The following TIGIT variants were observed in gnomAD, a reference collection of about 807,000 sequenced individuals.
TIGIT encodes the protein T-cell immunoreceptor with Ig and ITIM domains.
A neutral mutation model predicts 19.6 loss-of-function variants in TIGIT; 11 were observed. That is an observed-to-expected ratio of 0.56 (90% CI 0.35 to 0.93). The LOEUF (loss-of-function observed/expected upper bound fraction) is 0.93. TIGIT is among the 40% of genes least tolerant of loss of function. TIGIT has a pLI of 0.01. For missense variants in TIGIT, 295 were observed against 303.9 expected (o/e 0.97, Z 0.22); for synonymous variants, 130 against 125.5 (o/e 1.04, Z -0.24).
intron 2 of TIGIT, 113 bp downstream of exon 2, chr3:114,295,987 TGAG>T (rs748960837): frequency 2.1e-4 from 177 of 858,042 alleles, no homozygotes; most frequent in Middle Eastern, 3.0e-4. Flanking sequence ...TTGAATCACC[TGAG>T]GAGATTTTAA....
rs2078561760 is a variant in TIGIT at position 114,310,063 on chromosome 3, T to G, written c.*1932T>G. ...TTTCATAGTTGGATTCCTGGAGACA[T>G]GCGCTATCCACCACGTAGCCACTTT... On this transcript the variant is annotated 3_prime_UTR_variant, in exon 4 of 4. Coordinates refer to ENST00000383671, the MANE Select transcript of TIGIT (RefSeq NM_173799.4). The G allele has an allele frequency of 6.6e-6, 1 of 152,196 alleles. No homozygotes were observed. The highest frequency in any genetic ancestry group is 2.1e-4 in the South Asian group (1 of 4,826). The allele number at this position is 152,196 out of a possible 1,614,324, so 9.4% of individuals were successfully genotyped here. A position where few individuals can be genotyped will look rare whatever the true frequency, so the allele number is the denominator to read the frequency against.
intron 3 of TIGIT, among the ~76,000 whole-genome samples, chr3:114,303,872 C>A (rs1199150952): frequency 6.6e-6 from 1 of 152,070 alleles, no homozygotes; most frequent in African/African-American, 2.4e-5. Flanking sequence ...AGTTTACATT[C>A]CCACAAGCAG....
chr3:114,295,747 T>C lies in TIGIT; in HGVS notation c.264T>C (p.Gly88=), dbSNP rs2107947201. 1 of 1,614,162 alleles carries C rather than the reference T, an allele frequency of 6.2e-7. No homozygotes were observed. The highest frequency in any genetic ancestry group is 8.5e-7 in the Non-Finnish European group (1 of 1,180,016). The change falls in exon 2 of 4, where the codon GGT becomes GGC. Residue 88 remains glycine (G), a synonymous_variant. Coordinates refer to ENST00000383671, the MANE Select transcript of TIGIT (RefSeq NM_173799.4). ...SPSFKDRVAP[G]PGLGLTLQSL... is the part of the protein sequence containing the mutation. Reference sequence around the variant, plus strand: ...CCTTCAAGGATCGAGTGGCCCCAGGTCCCGGCCTGGGCCTCACCCTCCAGT... The same window carrying C: ...CCTTCAAGGATCGAGTGGCCCCAGGCCCCGGCCTGGGCCTCACCCTCCAGT...
At chr3:114,297,090 T>G (rs996670466) in intron 2 of TIGIT, among the ~76,000 whole-genome samples, 2 of 151,964 alleles carry the variant, frequency 1.3e-5, no homozygotes, top group African/African-American at 4.8e-5. Context: ...GAGACAGGGT[T>G]TCTTCACGTT....
rs201739271 is a variant in TIGIT at position 114,294,097 on chromosome 3, G to A, written c.36G>A (p.Gly12=). The A allele has an allele frequency of 1.9e-6, 3 of 1,554,978 alleles. No individual in the cohort carries two copies. Among genetic ancestry groups the A allele is most frequent in the Non-Finnish European group, 2.6e-6 (3 of 1,148,286 alleles). The change falls in exon 1 of 4, where the codon GGG becomes GGA. Residue 12 remains glycine (G), a synonymous_variant. Coordinates refer to ENST00000383671, the MANE Select transcript of TIGIT (RefSeq NM_173799.4). ...GTCTCCTCCTGATCTGGGCCCAGGG[G>A]CTGAGGCAGGCTCCCCTCGCCTCAG... ...RWCLLLIWAQ[G]LRQAPLASGM...
At chr3:114,302,342 A>C (rs2078497933) in intron 3 of TIGIT, among the ~76,000 whole-genome samples, 1 of 152,242 alleles carries the variant, frequency 6.6e-6, no homozygotes, top group South Asian at 2.1e-4. Context: ...GCTGGTATCC[A>C]TTCAAGTAGT....
chr3:114,308,195 A>G lies in TIGIT; in HGVS notation c.*64A>G. On this transcript the variant is annotated 3_prime_UTR_variant, in exon 4 of 4. Coordinates refer to ENST00000383671, the MANE Select transcript of TIGIT (RefSeq NM_173799.4). ...TGCTATTATAGATGAATATATAAGC[A>G]GCTGTACTCTCCATCAGTGCTGCGT... 7.6e-7 allele frequency: 1 copy of G among 1,322,580 alleles called. No homozygotes were observed. The highest frequency in any genetic ancestry group is 1.3e-5 in the South Asian group (1 of 78,722). 81.9% of individuals were successfully genotyped at this position (1,322,580 alleles called of 1,614,324 possible).
At chr3:114,304,662 C>G (rs1192248557) in intron 3 of TIGIT, among the ~76,000 whole-genome samples, 1 of 152,198 alleles carries the variant, frequency 6.6e-6, no homozygotes, top group Non-Finnish European at 1.5e-5. Flanking sequence ...TTAGCAGACC[C>G]AGCACTTCCT....
intron 2 of TIGIT, among the ~76,000 whole-genome samples, chr3:114,297,984 C>T (rs541565128): frequency 1.6e-4 from 24 of 152,346 alleles, no homozygotes; most frequent in African/African-American, 5.3e-4. Flanking sequence ...TTAGCACAAA[C>T]CCTGGCTTCT....
At chr3:114,300,549 G>T (rs898683682) in intron 3 of TIGIT, among the ~76,000 whole-genome samples, 1 of 152,104 alleles carries the variant, frequency 6.6e-6, no homozygotes, top group African/African-American at 2.4e-5. Flanking sequence ...ATCTTTCAAG[G>T]TCTTCATTTC....
At chr3:114,307,769 G>A (rs2078545206) in intron 3 of TIGIT, 126 bp from the exon 4 acceptor site, 1 of 834,962 alleles carries the variant, frequency 1.2e-6, no homozygotes, top group Admixed American at 2.2e-5. Flanking sequence ...TAAGGAATTG[G>A]TGTTGGTAAG....
chr3:114,302,888 G>C (rs1191701374), intron 3 of TIGIT, among the ~76,000 whole-genome samples: 1 of 152,122 alleles, frequency 6.6e-6, no homozygotes, highest in Non-Finnish European at 1.5e-5. Context: ...TCAGTACAGG[G>C]ATTGGCAAAA....
rs2078447590 is a variant in TIGIT, at chr3:114,295,561, A to G, written c.78A>G (p.Thr26=). 6.2e-7 allele frequency: 1 copy of G among 1,613,670 alleles called. No individual in the cohort carries two copies. The highest frequency in any genetic ancestry group is 1.3e-5 in the African/African-American group (1 of 74,942). Residue 26 remains threonine, a synonymous_variant, in exon 2 of 4, where the codon ACA becomes ACG. Transcript: ENST00000383671. The part of the protein sequence containing the change: ...APLASGMMTG[T]IETTGNISAE... ...CTTCCCTAGGAATGATGACAGGCACAATAGAAACAACGGGGAACATTTCTG... is the reference window on the plus strand; with the variant it reads ...CTTCCCTAGGAATGATGACAGGCACGATAGAAACAACGGGGAACATTTCTG...
intron 3 of TIGIT, among the ~76,000 whole-genome samples, chr3:114,304,082 T>C (rs188678170): frequency 1.6e-4 from 25 of 152,298 alleles, no homozygotes; most frequent in African/African-American, 5.8e-4. Flanking sequence ...TTTATGTCCT[T>C]AGCCCACTTT....
intron 3 of TIGIT, among the ~76,000 whole-genome samples, chr3:114,303,999 G>A (rs888861976): frequency 2.0e-5 from 3 of 152,054 alleles, no homozygotes; most frequent in African/African-American, 7.2e-5. Context: ...GCGTTTCCCT[G>A]ATAATTAGTG....
Position 114,299,602 on chromosome 3 carries a change from G to T in TIGIT, c.397G>T (p.Glu133Ter). 1 of 1,612,944 alleles carries T rather than the reference G, an allele frequency of 6.2e-7. No individual in the cohort carries two copies. Among genetic ancestry groups the T allele is most frequent in the Non-Finnish European group, 8.5e-7 (1 of 1,179,552 alleles). The change falls in exon 3 of 4, where the codon GAG becomes TAG. Residue 133 changes from glutamate to a stop codon, truncating the protein, a stop_gained. Coordinates refer to ENST00000383671, the MANE Select transcript of TIGIT (RefSeq NM_173799.4). LOFTEE classifies it high-confidence loss of function. ...CTGTTTTGTCCTCCCTCTAGTGGCTGAGCACGGTGCCAGGTTCCAGATTCC... is the reference window on the plus strand; with the variant it reads ...CTGTTTTGTCCTCCCTCTAGTGGCTTAGCACGGTGCCAGGTTCCAGATTCC... The part of the protein sequence containing the change: ...FLEVLESSVA[E>*]HGARFQIPLL...
chr3:114,308,424 T>TA lies in TIGIT; in HGVS notation c.*294dup, dbSNP rs1004343559. ...TAAATCTGGCAGTTTGAGCAGATCC[T>TA]ATGTCTCTGAGAGACACATTCCTCA... On this transcript the variant is annotated 3_prime_UTR_variant, in exon 4 of 4. Coordinates refer to ENST00000383671, the MANE Select transcript of TIGIT (RefSeq NM_173799.4). 1.7e-5 allele frequency: 5 copies of TA among 287,286 alleles called. No individual in the cohort carries two copies. The highest frequency in any genetic ancestry group is 3.3e-5 in the Non-Finnish European group (5 of 151,106). The allele number at this position is 287,286 out of a possible 1,614,324, so 17.8% of individuals were successfully genotyped here.
Position 114,309,025 on chromosome 3 carries a change from G to A in TIGIT, c.*894G>A, listed in dbSNP as rs976412599. The A allele has an allele frequency of 2.6e-5, 4 of 152,286 alleles. No individual in the cohort carries two copies. The highest frequency in any genetic ancestry group is 9.6e-5 in the African/African-American group (4 of 41,460). The allele number at this position is 152,286 out of a possible 1,614,324, so 9.4% of individuals were successfully genotyped here. A position where few individuals can be genotyped will look rare whatever the true frequency, so the allele number is the denominator to read the frequency against. ...GCCTCTTCCGGCCGTGTGTGCTGGG[G>A]AAGCCCCAGGAAACGCACATGCCCA... On this transcript the variant is annotated 3_prime_UTR_variant, in exon 4 of 4. Coordinates refer to ENST00000383671, the MANE Select transcript of TIGIT (RefSeq NM_173799.4).
At chr3:114,305,527 C>A (rs990157636) in intron 3 of TIGIT, among the ~76,000 whole-genome samples, 5 of 152,142 alleles carry the variant, frequency 3.3e-5, no homozygotes, top group African/African-American at 1.2e-4. Context: ...TTGGCTGAAG[C>A]AAGAATTGTA....
Sources: gnomAD v4.1 joint callset for allele counts (sites outside exome capture counted in the v4.1 genomes callset) on GRCh38, gnomAD v4.1.1 for gene constraint, MANE v1.5 for transcripts, NCBI Gene and HGNC (gene_info 2026-07-23, HGNC 2026-07-21) for gene names.